PDE11A: variants seen among roughly 807,000 people sequenced by gnomAD.
The protein encoded by PDE11A is dual 3',5'-cyclic-AMP and -GMP phosphodiesterase 11A.
Under a neutral mutation model 100.5 loss-of-function variants are expected in PDE11A, and 100 were observed. The observed-to-expected ratio is 1.00, with a 90% CI of 0.85 to 1.18. The LOEUF is 1.18. PDE11A is among the 50% of genes most tolerant of loss of function. The pLI, the probability that PDE11A is intolerant of heterozygous loss-of-function variation, is 0.00. For missense variants in PDE11A, 1,141 were observed against 1,152.6 expected (o/e 0.99, Z 0.15); for synonymous variants, 381 against 420.8 (o/e 0.91, Z 1.16).
intron 4 of PDE11A, among the ~76,000 whole-genome samples, chr2:177,881,567 C>T (rs1013779992): frequency 1.3e-5 from 2 of 152,144 alleles, no homozygotes; most frequent in African/African-American, 2.4e-5. Context: ...GGCATTAGTC[C>T]GTGATGAGGC....
At chr2:177,793,195 T>C (rs2082656567) in intron 9 of PDE11A, among the ~76,000 whole-genome samples, 1 of 152,116 alleles carries the variant, frequency 6.6e-6, no homozygotes, top group African/African-American at 2.4e-5. Context: ...TTAGAGTCCA[T>C]GGGAAGCCAT....
chr2:177,820,827 G>C (rs2083127022), intron 6 of PDE11A, among the ~76,000 whole-genome samples: 1 of 143,198 alleles, frequency 7.0e-6, no homozygotes, highest in African/African-American at 2.7e-5. Context: ...AGAGGTAGAG[G>C]TTTGAATATT....
intron 19 of PDE11A, among the ~76,000 whole-genome samples, chr2:177,645,524 C>G (rs1232733886): frequency 6.6e-6 from 1 of 152,200 alleles, no homozygotes; most frequent in East Asian, 1.9e-4. Flanking sequence ...GGCTATGGAA[C>G]TGCCATATAA....
At chr2:177,845,783 C>A (rs1249208583) in intron 5 of PDE11A, among the ~76,000 whole-genome samples, 4 of 152,238 alleles carry the variant, frequency 2.6e-5, no homozygotes. Flanking sequence ...AATCCCGGCA[C>A]CTCGGGAGGC....
chr2:177,960,331 TCAAAGAAGAAGCTAAAGGTAC>T (rs2085616372), intron 2 of PDE11A, among the ~76,000 whole-genome samples: 1 of 151,998 alleles, frequency 6.6e-6, no homozygotes, highest in African/African-American at 2.4e-5. Flanking sequence ...CCATTGTGTA[TCAAAGAAGAAGCTAAAGGTAC>T]CATTTTGAAA....
At chr2:178,050,182 G>C (rs975282582) in intron 1 of PDE11A, among the ~76,000 whole-genome samples, 1 of 148,394 alleles carries the variant, frequency 6.7e-6, no homozygotes, top group Non-Finnish European at 1.5e-5. Flanking sequence ...AGCAACATTT[G>C]CCGTTCTGCA....
intron 4 of PDE11A, among the ~76,000 whole-genome samples, chr2:177,887,087 G>A (rs2084446565): frequency 6.6e-6 from 1 of 152,096 alleles, no homozygotes. Flanking sequence ...CAGGAAATCT[G>A]AGCCACCAGA....
At chr2:177,722,377 G>A (rs1041229938) in intron 12 of PDE11A, among the ~76,000 whole-genome samples, 3 of 152,168 alleles carry the variant, frequency 2.0e-5, no homozygotes, top group African/African-American at 7.2e-5. Flanking sequence ...AGCGCTTAAA[G>A]TGAGTTATGG....
At chr2:177,908,811 A>T (rs76118315) in intron 2 of PDE11A, among the ~76,000 whole-genome samples, 1 of 152,220 alleles carries the variant, frequency 6.6e-6, no homozygotes, top group Non-Finnish European at 1.5e-5. Flanking sequence ...TCAGTCAATC[A>T]CAAATCTCTT....
chr2:177,790,615 G>C lies in PDE11A; in HGVS notation c.1738-21242C>G, dbSNP rs370303759. Reference sequence around the variant, plus strand: ...GAATGAACAGGCAACCTACAAAATGGGAGAAAATTTTTGCAACCTACTCAT... The same window carrying C: ...GAATGAACAGGCAACCTACAAAATGCGAGAAAATTTTTGCAACCTACTCAT... On this transcript the variant is annotated intron_variant, in intron 9 of 19. Transcript: ENST00000286063. 4.0e-4 allele frequency among the ~76,000 whole-genome samples: 61 copies of C among 152,148 alleles called. 1 individual carries two copies. The highest frequency in any genetic ancestry group is 8.3e-4 in the South Asian group (4 of 4,812).
chr2:177,798,804 A>C (rs184498615), intron 9 of PDE11A, among the ~76,000 whole-genome samples: 243 of 152,324 alleles, frequency 1.6e-3, no homozygotes, highest in Non-Finnish European at 2.9e-3. Flanking sequence ...ATTCTAAATA[A>C]TATATGTAGA....
chr2:177,886,633 T>C (rs1212804392), intron 4 of PDE11A, among the ~76,000 whole-genome samples: 1 of 152,208 alleles, frequency 6.6e-6, no homozygotes, highest in Non-Finnish European at 1.5e-5. Flanking sequence ...CAGGAATTAT[T>C]CTAATAAAAT....
Position 177,701,228 on chromosome 2 carries a change from G to C in PDE11A, c.2154-17C>G. The C allele has an allele frequency of 1.6e-6, 2 of 1,277,624 alleles. No individual in the cohort carries two copies. Among genetic ancestry groups the C allele is most frequent in the Non-Finnish European group, 2.3e-6 (2 of 872,968 alleles). The allele number at this position is 1,277,624 out of a possible 1,614,324, so 79.1% of individuals were successfully genotyped here. A position where few individuals can be genotyped will look rare whatever the true frequency, so the allele number is the denominator to read the frequency against. ...GAGCCACTCCTGAAAGAGGACAGAG[G>C]GTGAGTGAGCAGGGCCTATCGATGG... On this transcript the variant is annotated splice_polypyrimidine_tract_variant and intron_variant, in intron 13 of 19. Transcript: ENST00000286063.
At chr2:178,063,315 G>A (rs1056753263) in intron 1 of PDE11A, among the ~76,000 whole-genome samples, 3 of 151,992 alleles carry the variant, frequency 2.0e-5, no homozygotes, top group Middle Eastern at 3.2e-3. Context: ...TGTGTTTCAG[G>A]GATTATGTAT....
intron 9 of PDE11A, among the ~76,000 whole-genome samples, chr2:177,810,432 A>G (rs1003468799): frequency 5.9e-5 from 9 of 152,308 alleles, no homozygotes; most frequent in Admixed American, 1.3e-4. Context: ...AGGAACAAAA[A>G]AGCTTTGGGA....
intron 19 of PDE11A, among the ~76,000 whole-genome samples, chr2:177,660,031 TTTTCTTTCTTTCTTTC>T (rs1173068300): frequency 1.4e-4 from 18 of 125,542 alleles, no homozygotes; most frequent in African/African-American, 2.9e-4. Flanking sequence ...GTTACAATCA[TTTTCTTTCTTTCTTTC>T]TTTCTTTCTT....
intron 5 of PDE11A, among the ~76,000 whole-genome samples, chr2:177,854,745 C>G (rs890759550): frequency 6.6e-6 from 1 of 152,094 alleles, no homozygotes; most frequent in African/African-American, 2.4e-5. Flanking sequence ...TACCAAGAGG[C>G]AGACTCAGAA....
chr2:177,921,713 C>G (rs371708159), intron 2 of PDE11A: 1 of 152,138 alleles, frequency 6.6e-6, no homozygotes, highest in African/African-American at 2.4e-5. Context: ...ACCTTCATAT[C>G]AAAATGCAAC....
intron 1 of PDE11A, among the ~76,000 whole-genome samples, chr2:178,049,110 T>C (rs2086789210): frequency 6.6e-6 from 1 of 152,244 alleles, no homozygotes; most frequent in Non-Finnish European, 1.5e-5. Flanking sequence ...GTTCAACATT[T>C]GAATATTTGA....
Sources: gnomAD v4.1 joint callset for allele counts (sites outside exome capture counted in the v4.1 genomes callset) on GRCh38, gnomAD v4.1.1 for gene constraint, MANE v1.5 for transcripts, NCBI Gene and HGNC (gene_info 2026-07-23, HGNC 2026-07-21) for gene names.